Variants in OLFML2A observed in about 807,000 individuals in gnomAD.
OLFML2A encodes olfactomedin like 2A.
A neutral mutation model predicts 60.9 loss-of-function variants in OLFML2A; 47 were observed. The ratio of observed to expected loss-of-function variants is 0.77; its 90% confidence interval spans 0.61 to 0.98. The LOEUF (loss-of-function observed/expected upper bound fraction) is 0.98, where lower values mean the gene tolerates loss of function less well. OLFML2A is among the 50% of genes least tolerant of loss of function. The probability of loss-of-function intolerance (pLI) is 0.00; values close to 1 mark genes in which losing one functional copy is unlikely to be tolerated. For missense variants in OLFML2A, 922 were observed against 879.8 expected, an observed-to-expected ratio of 1.05 and a Z score of -0.61; for synonymous variants, 372 against 375.0, an observed-to-expected ratio of 0.99 and a Z score of 0.09.
chr9:124,810,479 A>T lies in OLFML2A; in HGVS notation c.*67A>T. 6.9e-7 allele frequency: 1 copy of T among 1,456,596 alleles called. No individual in the cohort carries two copies. Among genetic ancestry groups the T allele is most frequent in the East Asian group, 2.4e-5 (1 of 41,884 alleles). The allele number at this position is 1,456,596 out of a possible 1,614,324, so 90.2% of individuals were successfully genotyped here. ...GGGGCTTTGCACAGCAGCTCCTGCA[A>T]CTGACCCAGTCCGCAAATATTTATT... is the stretch of plus-strand genomic sequence containing the variant. On this transcript the variant is annotated 3_prime_UTR_variant, in exon 8 of 8. Transcript: ENST00000373580.
At chr9:124,788,910 G>T (rs954105817) in intron 2 of OLFML2A, among the ~76,000 whole-genome samples, 1 of 152,288 alleles carries the variant, frequency 6.6e-6, no homozygotes, top group Non-Finnish European at 1.5e-5. Context: ...TAAAGGACCA[G>T]ATTGTTTGGT....
intron 7 of OLFML2A, among the ~76,000 whole-genome samples, chr9:124,809,034 G>A (rs2131282279): frequency 6.6e-6 from 1 of 151,976 alleles, no homozygotes; most frequent in Middle Eastern, 3.4e-3. Flanking sequence ...GGGTGTGGTG[G>A]CAGGCGCCTG....
intron 3 of OLFML2A, among the ~76,000 whole-genome samples, chr9:124,795,635 C>T (rs1210817099): frequency 1.3e-5 from 2 of 152,130 alleles, no homozygotes; most frequent in East Asian, 1.9e-4. Flanking sequence ...AAAAATTAGG[C>T]GTGGTGGTAT....
chr9:124,791,852 A>T (rs1841574324), intron 2 of OLFML2A, among the ~76,000 whole-genome samples: 1 of 152,138 alleles, frequency 6.6e-6, no homozygotes, highest in South Asian at 2.1e-4. Context: ...TCAAGTGGCT[A>T]CAAAAGTTCC....
In OLFML2A at chr9:124,812,581, C is replaced by G. The variant is rs1472278825; in HGVS notation, c.*2169C>G. 5 of 153,280 alleles carry G rather than the reference C, an allele frequency of 3.3e-5. No individual in the cohort carries two copies. Among genetic ancestry groups the G allele is most frequent in the Admixed American group, 2.0e-4 (3 of 15,346 alleles). The allele number at this position is 153,280 out of a possible 1,614,324, so 9.5% of individuals were successfully genotyped here. ...TGACAACCAGCCCAGCCAGGCCTGA[C>G]TCATCATGGTCACATCCAGCCCCCA... On this transcript the variant is annotated 3_prime_UTR_variant, in exon 8 of 8. Transcript: ENST00000373580.
chr9:124,777,487 C>A lies in OLFML2A; in HGVS notation c.90+127C>A. The stretch of plus-strand genomic sequence containing the variant: ...AGGAGCCGGGAGCTGAGAGACCGAA[C>A]CTGGGACTTCTCAGCACTGAAGCCG... On this transcript the variant is annotated intron_variant, in intron 1 of 7. Transcript: ENST00000373580. This position sits in a 1 kb window ranked among gnomAD's most constrained non-coding sequence, Gnocchi z 6.2. The A allele has an allele frequency of 1.0e-6, 1 of 998,712 alleles. No individual in the cohort carries two copies. Among genetic ancestry groups the A allele is most frequent in the Non-Finnish European group, 1.3e-6 (1 of 783,038 alleles). 61.9% of individuals were successfully genotyped at this position (998,712 alleles called of 1,614,324 possible). A position where few individuals can be genotyped will look rare whatever the true frequency, so the allele number is the denominator to read the frequency against.
Position 124,799,275 on chromosome 9 carries a change from C to G in OLFML2A, c.463-10C>G. 6.3e-7 allele frequency: 1 copy of G among 1,589,174 alleles called. No individual in the cohort carries two copies. The highest frequency in any genetic ancestry group is 8.6e-7 in the Non-Finnish European group (1 of 1,158,498). On this transcript the variant is annotated splice_polypyrimidine_tract_variant and intron_variant, in intron 3 of 7. Coordinates refer to ENST00000373580, the MANE Select transcript of OLFML2A (RefSeq NM_182487.4). ...CCCAGGAAAGACCTCCAATCCTGCCCCCTCCGCAGAGCATCAAGGCCAACC... is the reference window on the plus strand; with the variant it reads ...CCCAGGAAAGACCTCCAATCCTGCCGCCTCCGCAGAGCATCAAGGCCAACC...
intron 3 of OLFML2A, 64 bp downstream of exon 3, chr9:124,795,195 G>A (rs916977448): frequency 1.1e-5 from 11 of 1,030,062 alleles, no homozygotes; most frequent in Middle Eastern, 2.5e-4. Flanking sequence ...GGCACTGTCC[G>A]AAGGGGCCCC....
At chr9:124,803,348 GA>G (rs1841819995) in intron 5 of OLFML2A, among the ~76,000 whole-genome samples, 1 of 151,920 alleles carries the variant, frequency 6.6e-6, no homozygotes, top group Non-Finnish European at 1.5e-5. Context: ...CTGCAGCCTT[GA>G]CCTCCTGGGC....
intron 1 of OLFML2A, among the ~76,000 whole-genome samples, chr9:124,784,562 G>T (rs1841422937): frequency 6.6e-6 from 1 of 152,112 alleles, no homozygotes; most frequent in Admixed American, 6.5e-5. Context: ...TCAATAAAAG[G>T]TCTCCATAAT....
rs1179810657 is a variant in OLFML2A, at chr9:124,777,966, T to C, written c.90+606T>C. Among the ~76,000 whole-genome samples the C allele has an allele frequency of 6.6e-6, 1 of 152,170 alleles. No homozygotes were observed. The highest frequency in any genetic ancestry group is 1.5e-5 in the Non-Finnish European group (1 of 68,018). On this transcript the variant is annotated intron_variant, in intron 1 of 7. Coordinates refer to ENST00000373580, the MANE Select transcript of OLFML2A (RefSeq NM_182487.4). The surrounding 1 kb of genome is among the most constrained non-coding windows in gnomAD (Gnocchi z 6.2). ...TCCGCTTCTCATCCGCCATCGCCCA[T>C]CTGAGCCTCCGTCTATTCACCTGTA... is the stretch of plus-strand genomic sequence containing the variant.
chr9:124,789,200 G>A lies in OLFML2A; in HGVS notation c.354+1962G>A, dbSNP rs565429781. On this transcript the variant is annotated intron_variant, in intron 2 of 7. Transcript: ENST00000373580. ...TCACCTTAGCCTCCCAAAATGCTGG[G>A]ATTACAGGCGTGAGTCACTGTGCCT... 6.8e-4 allele frequency among the ~76,000 whole-genome samples: 103 copies of A among 152,352 alleles called. 2 individuals are homozygous for A. Among genetic ancestry groups the A allele is most frequent in the Non-Finnish European group, 2.9e-4 (20 of 68,042 alleles).
Position 124,799,562 on chromosome 9 carries a change from C to T in OLFML2A, c.669+71C>T, listed in dbSNP as rs541758645. ...GGAGCTCAGTGTGCCAGGACGTTGG[C>T]CCTGTGGATCAGCTCGATGGGGGTT... On this transcript the variant is annotated intron_variant, in intron 4 of 7. Transcript: ENST00000373580. 8 of 1,284,600 alleles carry T rather than the reference C, an allele frequency of 6.2e-6. No individual in the cohort carries two copies. The African/African-American group carries it at 1.2e-4, about 19-fold the overall frequency. The allele number at this position is 1,284,600 out of a possible 1,614,324, so 79.6% of individuals were successfully genotyped here.
chr9:124,810,332 G>C lies in OLFML2A; in HGVS notation c.1879G>C (p.Asp627His), dbSNP rs149771487. Residue 627 changes from aspartate to histidine, a missense_variant, in exon 8 of 8, where the codon GAC becomes CAC. Transcript: ENST00000373580. Reference protein sequence around the residue: ...LNEHAYTTQIDYNPKERVLYA... With the variant: ...LNEHAYTTQIHYNPKERVLYA... Reference sequence around the variant, plus strand: ...CGAGCACGCCTACACCACCCAGATCGACTACAACCCCAAGGAGCGGGTGCT... The same window carrying C: ...CGAGCACGCCTACACCACCCAGATCCACTACAACCCCAAGGAGCGGGTGCT... 5.0e-6 allele frequency: 8 copies of C among 1,605,912 alleles called. No homozygotes were observed. In the South Asian group the frequency reaches 8.8e-5, roughly 18 times the overall value.
In OLFML2A at chr9:124,801,573, A is replaced by G; in HGVS notation, c.829A>G (p.Lys277Glu). ...GGGCAGTTTCCTCCAGCCCACAGCC[A>G]AGCCCCGCGCCCTGGCCCAGCAGCA... ...GKGSFLQPTAKPRALAQQQAV... is the reference protein window; with the variant it reads ...GKGSFLQPTAEPRALAQQQAV... The change falls in exon 5 of 8, where the codon AAG becomes GAG. Residue 277 changes from lysine (K) to glutamate (E), a missense_variant. By Grantham distance (56) the Lys-to-Glu change is moderately conservative. Transcript: ENST00000373580. The G allele has an allele frequency of 6.2e-7, 1 of 1,614,016 alleles. No homozygotes were observed. Among genetic ancestry groups the G allele is most frequent in the Non-Finnish European group, 8.5e-7 (1 of 1,180,006 alleles).
chr9:124,781,792 CAAA>C (rs1262915024), intron 1 of OLFML2A, among the ~76,000 whole-genome samples: 1 of 92,594 alleles, frequency 1.1e-5, no homozygotes. Context: ...AGAATCCGGC[CAAA>C]AAAAAAAAAA....
intron 2 of OLFML2A, among the ~76,000 whole-genome samples, chr9:124,788,272 A>T (rs971137029): frequency 1.3e-5 from 2 of 150,566 alleles, no homozygotes; most frequent in African/African-American, 4.9e-5. Flanking sequence ...ACTGCACTCC[A>T]GCCTGAACGA....
rs1220608566 is a variant in OLFML2A at position 124,810,718 on chromosome 9, C to T, written c.*306C>T. ...AGACAGGCTCAGAGAGGCACCGTCC[C>T]TTGCCTAACACCTCAGTTGTGATCA... On this transcript the variant is annotated 3_prime_UTR_variant, in exon 8 of 8. Transcript: ENST00000373580. 1 of 410,238 alleles carries T rather than the reference C, an allele frequency of 2.4e-6. No homozygotes were observed. Among genetic ancestry groups the T allele is most frequent in the Non-Finnish European group, 4.4e-6 (1 of 225,388 alleles). 25.4% of individuals were successfully genotyped at this position (410,238 alleles called of 1,614,324 possible).
At chr9:124,791,317 C>G (rs1391312633) in intron 2 of OLFML2A, among the ~76,000 whole-genome samples, 2 of 152,228 alleles carry the variant, frequency 1.3e-5, no homozygotes, top group Non-Finnish European at 2.9e-5. Flanking sequence ...ACGCCAGCAC[C>G]TGTGACTTCC....
Sources: gnomAD v4.1 joint callset for allele counts (sites outside exome capture counted in the v4.1 genomes callset) on GRCh38, gnomAD v4.1.1 for gene constraint, Gnocchi (gnomAD v3.1) non-coding constraint, MANE v1.5 for transcripts, NCBI Gene and HGNC (gene_info 2026-07-23, HGNC 2026-07-21) for gene names.